The following KIRREL3 variants were observed in gnomAD, a reference collection of about 807,000 sequenced individuals.
KIRREL3 encodes kin of IRRE-like protein 3.
Under a neutral mutation model 89.7 loss-of-function variants are expected in KIRREL3, and 36 were observed. The ratio of observed to expected loss-of-function variants is 0.40; its 90% CI spans 0.31 to 0.53. The LOEUF (loss-of-function observed/expected upper bound fraction) is 0.53. Ranked by LOEUF, KIRREL3 falls within the 20% of genes least tolerant of loss-of-function variation. The pLI, the probability that KIRREL3 is intolerant of heterozygous loss-of-function variation, is 0.49. For missense variants in KIRREL3, 864 were observed against 1,056.6 expected, an observed-to-expected ratio of 0.82 and a Z score of 2.53; for synonymous variants, 445 against 441.4, an observed-to-expected ratio of 1.01 and a Z score of -0.10.
chr11:126,559,242 T>A (rs1437072534), intron 2 of KIRREL3, among the ~76,000 whole-genome samples: 1 of 152,212 alleles, frequency 6.6e-6, no homozygotes, highest in Non-Finnish European at 1.5e-5. Flanking sequence ...CTGTTCCACA[T>A]CTGTGTGCTC....
chr11:126,967,324 C>T (rs1335049696), intron 1 of KIRREL3, among the ~76,000 whole-genome samples: 1 of 152,174 alleles, frequency 6.6e-6, no homozygotes, highest in Non-Finnish European at 1.5e-5. Context: ...CTAACAGCCC[C>T]TGGAACCTTA....
chr11:126,542,555 C>T (rs1220446005), intron 2 of KIRREL3, among the ~76,000 whole-genome samples: 1 of 152,214 alleles, frequency 6.6e-6, no homozygotes. Context: ...GGGGCTCCCT[C>T]TCTGCCTCCT....
rs891590988 is a variant in KIRREL3, at chr11:126,719,823, C to G, written c.56-156911G>C. On this transcript the variant is annotated intron_variant, in intron 1 of 16. Transcript: ENST00000525144. This position sits in a 1 kb window ranked among gnomAD's most constrained non-coding sequence, Gnocchi z 4.7. ...CAGCATCACCTTGCATCTGTTGAGG[C>G]TCCTGAGAGACGCCCTGCTTCTTCC... Among the ~76,000 whole-genome samples, 2 of 152,220 alleles carry G rather than the reference C, an allele frequency of 1.3e-5. No individual in the cohort carries two copies. Among genetic ancestry groups the G allele is most frequent in the African/African-American group, 4.8e-5 (2 of 41,454 alleles).
intron 1 of KIRREL3, among the ~76,000 whole-genome samples, chr11:126,613,682 C>T (rs995873928): frequency 3.9e-5 from 6 of 152,002 alleles, no homozygotes; most frequent in Admixed American, 2.6e-4. Context: ...AAATGCCTTC[C>T]TGACAAGTTC....
At position 126,978,106 on chromosome 11, in the gene KIRREL3, G is replaced by A. The variant is rs1320209398; in HGVS notation, c.55+22349C>T. 6.6e-6 allele frequency among the ~76,000 whole-genome samples: 1 copy of A among 152,154 alleles called. No individual in the cohort carries two copies. The highest frequency in any genetic ancestry group is 1.5e-5 in the Non-Finnish European group (1 of 68,032). ...CAAGCCTGTGGCCACAAGCCCCAGG[G>A]ATAATGGTCAGCACATTGTGGCGTT... On this transcript the variant is annotated intron_variant, in intron 1 of 16. Transcript: ENST00000525144. This position sits in a 1 kb window ranked among gnomAD's most constrained non-coding sequence, Gnocchi z 4.2.
At position 126,788,766 on chromosome 11, in the gene KIRREL3, T is replaced by A. The variant is rs1168664623; in HGVS notation, c.55+211689A>T. On this transcript the variant is annotated intron_variant, in intron 1 of 16. Coordinates refer to ENST00000525144, the MANE Select transcript of KIRREL3 (RefSeq NM_032531.4). The surrounding 1 kb of genome is among the most constrained non-coding windows in gnomAD (Gnocchi z 4.1). ...GCCGTCAGAGTTCAATCTGGAGTCA[T>A]CCAGGCAGCTGCATGTTGTATTATC... Among the ~76,000 whole-genome samples, 1 of 152,196 alleles carries A rather than the reference T, an allele frequency of 6.6e-6. No homozygotes were observed.
chr11:126,511,415 C>T (rs1200356077), intron 4 of KIRREL3, among the ~76,000 whole-genome samples: 2 of 152,184 alleles, frequency 1.3e-5, no homozygotes, highest in African/African-American at 4.8e-5. Context: ...CCTCTCTCCA[C>T]TGGACCTACA....
Position 126,808,278 on chromosome 11 carries a change from T to C in KIRREL3, c.55+192177A>G, listed in dbSNP as rs2134414882. On this transcript the variant is annotated intron_variant, in intron 1 of 16. Transcript: ENST00000525144. The surrounding 1 kb of genome is among the most constrained non-coding windows in gnomAD (Gnocchi z 4.1). ...AGAATACTTATTTGAAAATTAAATG[T>C]CTTCACTTCTTTTCCAGGAGGCTCC... Among the ~76,000 whole-genome samples the C allele has an allele frequency of 6.6e-6, 1 of 152,182 alleles. No homozygotes were observed. The highest frequency in any genetic ancestry group is 1.9e-4 in the East Asian group (1 of 5,192).
In KIRREL3 at chr11:126,736,450, A is replaced by G. The variant is rs1948802386; in HGVS notation, c.56-173538T>C. ...CCAAGCTGTTTTTGGTGTTCATATC[A>G]CTTTCTAAACAGAGAACTGGAGAGC... is the stretch of plus-strand genomic sequence containing the variant. On this transcript the variant is annotated intron_variant, in intron 1 of 16. Coordinates refer to ENST00000525144, the MANE Select transcript of KIRREL3 (RefSeq NM_032531.4). The surrounding 1 kb of genome is among the most constrained non-coding windows in gnomAD (Gnocchi z 5.0). 6.6e-6 allele frequency among the ~76,000 whole-genome samples: 1 copy of G among 152,038 alleles called. No homozygotes were observed. The highest frequency in any genetic ancestry group is 2.4e-5 in the African/African-American group (1 of 41,372).
chr11:126,925,096 TCGGG>T (rs1947647179), intron 1 of KIRREL3, among the ~76,000 whole-genome samples: 1 of 1,492 alleles, frequency 6.7e-4, no homozygotes, highest in Admixed American at 4.8e-3. Flanking sequence ...CATAAAAAGG[TCGGG>T]GGGGGGGGGG....
intron 1 of KIRREL3, among the ~76,000 whole-genome samples, chr11:126,901,771 T>C (rs1433712188): frequency 6.6e-6 from 1 of 152,196 alleles, no homozygotes; most frequent in African/African-American, 2.4e-5. Context: ...AGTTTGAAAA[T>C]CATCCCTTCC....
At position 126,985,276 on chromosome 11, in the gene KIRREL3, G is replaced by A. The variant is rs1949829436; in HGVS notation, c.55+15179C>T. Among the ~76,000 whole-genome samples the A allele has an allele frequency of 6.6e-6, 1 of 152,120 alleles. No homozygotes were observed. Among genetic ancestry groups the A allele is most frequent in the Non-Finnish European group, 1.5e-5 (1 of 68,024 alleles). On this transcript the variant is annotated intron_variant, in intron 1 of 16. Coordinates refer to ENST00000525144, the MANE Select transcript of KIRREL3 (RefSeq NM_032531.4). The surrounding 1 kb of genome is among the most constrained non-coding windows in gnomAD (Gnocchi z 5.3). ...CTGACACATTATGCTCTTTTCCCAT[G>A]TAAGAAATACTGATTGTATCTGACT...
rs114595932 is a variant in KIRREL3, at chr11:126,706,912, T to C, written c.56-144000A>G. 4.2e-3 allele frequency among the ~76,000 whole-genome samples: 640 copies of C among 152,140 alleles called. 4 individuals are homozygous for C. Among genetic ancestry groups the C allele is most frequent in the African/African-American group, 0.015 (616 of 41,498 alleles). ...AGCTCTTTATCAGTCATTTGTGCTA[T>C]ACATTTTTTTCCACAGATTGTTTTT... is the stretch of plus-strand genomic sequence containing the variant. On this transcript the variant is annotated intron_variant, in intron 1 of 16. Transcript: ENST00000525144.
At chr11:126,654,804 T>C (rs1945063570) in intron 1 of KIRREL3, among the ~76,000 whole-genome samples, 1 of 152,196 alleles carries the variant, frequency 6.6e-6, no homozygotes, top group African/African-American at 2.4e-5. Flanking sequence ...TTTTTTTATT[T>C]TTTTATTTTT....
At position 126,517,400 on chromosome 11, in the gene KIRREL3, G is replaced by T. The variant is rs546229785; in HGVS notation, c.433+3915C>A. Among the ~76,000 whole-genome samples the T allele has an allele frequency of 2.0e-5, 3 of 152,250 alleles. No homozygotes were observed. The South Asian group carries it at 6.2e-4, about 32-fold the overall frequency. ...CCAGGGCTCTTCCTACCCCATGACA[G>T]CTCTCTCTGCACATGTGCATGGGGG... is the stretch of plus-strand genomic sequence containing the variant. On this transcript the variant is annotated intron_variant, in intron 4 of 16. Coordinates refer to ENST00000525144, the MANE Select transcript of KIRREL3 (RefSeq NM_032531.4).
intron 13 of KIRREL3, among the ~76,000 whole-genome samples, chr11:126,433,251 C>T (rs909776525): frequency 1.3e-5 from 2 of 152,216 alleles, no homozygotes; most frequent in African/African-American, 4.8e-5. Flanking sequence ...ACCCTGCGTT[C>T]GTCAGTGTGG....
intron 2 of KIRREL3, among the ~76,000 whole-genome samples, chr11:126,529,859 GTT>G (rs60236598): frequency 0.094 from 13,310 of 140,870 alleles, 597 homozygotes; most frequent in African/African-American, 0.12. Context: ...AAACCAATGA[GTT>G]TTTTTTTTTT....
chr11:126,959,357 G>A (rs1479918941), intron 1 of KIRREL3, among the ~76,000 whole-genome samples: 1 of 152,030 alleles, frequency 6.6e-6, no homozygotes, highest in African/African-American at 2.4e-5. Context: ...GCATGCGAGT[G>A]TGCACACACA....
In KIRREL3 at chr11:126,615,808, C is replaced by A. The variant is rs939111949; in HGVS notation, c.56-52896G>T. 2.6e-5 allele frequency among the ~76,000 whole-genome samples: 4 copies of A among 152,224 alleles called. No homozygotes were observed. The highest frequency in any genetic ancestry group is 9.6e-5 in the African/African-American group (4 of 41,458). On this transcript the variant is annotated intron_variant, in intron 1 of 16. Coordinates refer to ENST00000525144, the MANE Select transcript of KIRREL3 (RefSeq NM_032531.4). This position sits in a 1 kb window ranked among gnomAD's most constrained non-coding sequence, Gnocchi z 5.4. Reference sequence around the variant, plus strand: ...ACATAGGCTCTGGGATGGCAGTGCTCTCTCAGCAGTTATGGTCTTTTCCAG... The same window carrying A: ...ACATAGGCTCTGGGATGGCAGTGCTATCTCAGCAGTTATGGTCTTTTCCAG...
Sources: gnomAD v4.1 joint callset for allele counts (sites outside exome capture counted in the v4.1 genomes callset) on GRCh38, gnomAD v4.1.1 for gene constraint, Gnocchi (gnomAD v3.1) non-coding constraint, MANE v1.5 for transcripts, NCBI Gene and HGNC (gene_info 2026-07-23, HGNC 2026-07-21) for gene names.